The following CDC16 variants were observed in gnomAD, a reference collection of about 807,000 sequenced individuals.
CDC16 encodes the protein cell division cycle 16.
CDC16 carries 34 observed loss-of-function variants against 87.0 expected under a neutral mutation model. The ratio of observed to expected loss-of-function variants is 0.39; its 90% CI spans 0.30 to 0.52. The LOEUF (loss-of-function observed/expected upper bound fraction) is 0.52. Ranked by LOEUF, CDC16 falls within the 20% of genes least tolerant of loss-of-function variation. CDC16 has a pLI of 0.74. For missense variants in CDC16, 653 were observed against 751.9 expected (o/e 0.87, Z 1.54); for synonymous variants, 263 against 260.6 (o/e 1.01, Z -0.09).
chr13:114,245,548 C>T (rs2081821436), intron 9 of CDC16, among the ~76,000 whole-genome samples: 1 of 152,164 alleles, frequency 6.6e-6, no homozygotes, highest in African/African-American at 2.4e-5. Context: ...GCAGCATCTC[C>T]AGCTGCTCTG....
rs750217686 is a variant in CDC16 at position 114,242,230 on chromosome 13, T to C, written c.491T>C (p.Phe164Ser). Residue 164 changes from phenylalanine to serine, a missense_variant, in exon 6 of 18, where the codon TTT (phenylalanine) becomes TCT (serine). Physicochemically the swap from Phe to Ser is radical, Grantham distance 155 (BLOSUM62 -2). Coordinates refer to ENST00000356221, the MANE Select transcript of CDC16 (RefSeq NM_001078645.3). ...KEALKLDVYC[F>S]EAFDLLTSHH... ...GCTTTGAAGCTTGATGTCTACTGTT[T>C]TGAAGCGTTCGATCTTTTAACATCA... 1 of 1,614,196 alleles carries C rather than the reference T, an allele frequency of 6.2e-7. No homozygotes were observed. Among genetic ancestry groups the C allele is most frequent in the Non-Finnish European group, 8.5e-7 (1 of 1,180,034 alleles).
chr13:114,268,935 C>T (rs2083423627), intron 17 of CDC16, among the ~76,000 whole-genome samples: 1 of 152,244 alleles, frequency 6.6e-6, no homozygotes, highest in South Asian at 2.1e-4. Context: ...CATAGATTCA[C>T]TGCTGGTGGG....
chr13:114,243,765 G>C (rs2081688191), intron 7 of CDC16, 91 bp from the exon 8 acceptor site: 2 of 1,061,256 alleles, frequency 1.9e-6, no homozygotes, highest in African/African-American at 1.6e-5. Context: ...TCTTGTAAAT[G>C]TTTTAACCAC....
chr13:114,260,523 C>T (rs1490023466), intron 14 of CDC16, among the ~76,000 whole-genome samples: 1 of 152,140 alleles, frequency 6.6e-6, no homozygotes, highest in East Asian at 1.9e-4. Context: ...GCGTGATGCC[C>T]AGGGGATTAT....
Position 114,243,342 on chromosome 13 carries a change from G to A in CDC16, c.627G>A (p.Leu209=), listed in dbSNP as rs185719122. 17 of 1,519,604 alleles carry A rather than the reference G, an allele frequency of 1.1e-5. No individual in the cohort carries two copies. In the Admixed American group the frequency reaches 2.7e-4, roughly 24 times the overall value. 94.1% of individuals were successfully genotyped at this position (1,519,604 alleles called of 1,614,324 possible). Residue 209 remains leucine (L), a synonymous_variant, in exon 7 of 18, where the codon TTG becomes TTA. Coordinates refer to ENST00000356221, the MANE Select transcript of CDC16 (RefSeq NM_001078645.3). Reference sequence around the variant, plus strand: ...TGCGTTTTCTATTTGAGAACAAATTGAAAAAAGTAAGTAAAACCAAAGAGT... The same window carrying A: ...TGCGTTTTCTATTTGAGAACAAATTAAAAAAAGTAAGTAAAACCAAAGAGT... ...ELLRFLFENK[L]KKYNKPSETV... is the part of the protein sequence containing the mutation.
At position 114,259,410 on chromosome 13, in the gene CDC16, A is replaced by T; in HGVS notation, c.1314+12A>T. On this transcript the variant is annotated intron_variant, in intron 14 of 17. Transcript: ENST00000356221. ...CAATTGGGAACGAGGTATTCTTTGT[A>T]GTACCTGTAAATATACACATATACA... 1 of 1,506,754 alleles carries T rather than the reference A, an allele frequency of 6.6e-7. No homozygotes were observed. The allele number at this position is 1,506,754 out of a possible 1,614,324, so 93.3% of individuals were successfully genotyped here.
rs1442398869 is a variant in CDC16, at chr13:114,236,718, A to G, written c.103+19A>G. The G allele has an allele frequency of 1.9e-6, 3 of 1,613,864 alleles. No individual in the cohort carries two copies. The Admixed American group carries it at 5.0e-5, about 27-fold the overall frequency. On this transcript the variant is annotated intron_variant, in intron 2 of 17. Transcript: ENST00000356221. ...TCTCGTGGTAAGTGACAAAATGCTA[A>G]CTGGTTTTCTGATTAATCTTAAAAT...
In CDC16 at chr13:114,239,469, C is replaced by G; in HGVS notation, c.360C>G (p.Asp120Glu). The G allele has an allele frequency of 6.2e-7, 1 of 1,611,538 alleles. No homozygotes were observed. Reference sequence around the variant, plus strand: ...GTGGCTTCAAAGATCCTTCCAGCGACTGGGAAATGTCACAGTCTTCAGTAA... The same window carrying G: ...GTGGCTTCAAAGATCCTTCCAGCGAGTGGGAAATGTCACAGTCTTCAGTAA... ...DESGFKDPSS[D>E]WEMSQSSIKS... The change falls in exon 5 of 18, where the codon GAC (aspartate) becomes GAG (glutamate). Residue 120 changes from aspartate to glutamate, a missense_variant. By Grantham distance (45) the Asp-to-Glu change is conservative (BLOSUM62 2). Coordinates refer to ENST00000356221, the MANE Select transcript of CDC16 (RefSeq NM_001078645.3).
At chr13:114,244,106 T>C (rs1017657708) in intron 8 of CDC16, 117 bp downstream of exon 8, 6 of 729,040 alleles carry the variant, frequency 8.2e-6, no homozygotes, top group Non-Finnish European at 1.4e-5. Context: ...AAGTTATCTT[T>C]ACCAATTGTA....
At chr13:114,249,870 TCTC>T (rs1378356583) in intron 11 of CDC16, among the ~76,000 whole-genome samples, 2 of 152,212 alleles carry the variant, frequency 1.3e-5, no homozygotes, top group African/African-American at 4.8e-5. Flanking sequence ...AAGCTGTGGA[TCTC>T]CTCAAATTTC....
chr13:114,266,774 A>G (rs1272269142), intron 17 of CDC16, among the ~76,000 whole-genome samples: 1 of 151,964 alleles, frequency 6.6e-6, no homozygotes, highest in Non-Finnish European at 1.5e-5. Flanking sequence ...GCTCACTGCA[A>G]GCTCCCCCTC....
chr13:114,254,299 T>C (rs1362782769), intron 12 of CDC16, among the ~76,000 whole-genome samples: 1 of 152,224 alleles, frequency 6.6e-6, no homozygotes, highest in African/African-American at 2.4e-5. Context: ...ATCACATCTT[T>C]TGTTCCTGTA....
Position 114,236,807 on chromosome 13 carries a change from C to G in CDC16, c.112C>G (p.Gln38Glu), listed in dbSNP as rs1230282504. ...TGAATTTTTCCCTCCAGAAGAACCCCAGGACATCTATTGGTTGGCTCAGTG... is the reference window on the plus strand; with the variant it reads ...TGAATTTTTCCCTCCAGAAGAACCCGAGGACATCTATTGGTTGGCTCAGTG... ...KVASLSREEP[Q>E]DIYWLAQCLY... Residue 38 changes from glutamine (Q) to glutamate (E), a missense_variant, in exon 3 of 18, where the codon CAG (glutamine) becomes GAG (glutamate). Physicochemically the swap from Gln to Glu is conservative, Grantham distance 29 (BLOSUM62 2). Transcript: ENST00000356221. The G allele has an allele frequency of 1.9e-6, 3 of 1,613,274 alleles. No individual in the cohort carries two copies. The African/African-American group carries it at 4.0e-5, about 22-fold the overall frequency.
In CDC16 at chr13:114,272,317, G is replaced by T. The variant is rs1291483103; in HGVS notation, c.1737G>T (p.Gly579=). 6.2e-7 allele frequency: 1 copy of T among 1,614,110 alleles called. No individual in the cohort carries two copies. The highest frequency in any genetic ancestry group is 8.5e-7 in the Non-Finnish European group (1 of 1,180,034). The change falls in exon 18 of 18, where the codon GGG becomes GGT. Residue 579 remains glycine (G), a synonymous_variant. Transcript: ENST00000356221. Reference sequence around the variant, plus strand: ...AAAAACAGACTGCAGAAGAAACGGGGCTTACGCCATTGGAAACCTCAAGGA... The same window carrying T: ...AAAAACAGACTGCAGAAGAAACGGGTCTTACGCCATTGGAAACCTCAAGGA... ...EVEKQTAEET[G]LTPLETSRKT...
chr13:114,238,242 C>T (rs569945307), intron 3 of CDC16, among the ~76,000 whole-genome samples: 10 of 148,260 alleles, frequency 6.7e-5, no homozygotes, highest in Non-Finnish European at 7.4e-5. Context: ...TCCTCGGACG[C>T]CCAGCAGTTA....
intron 17 of CDC16, among the ~76,000 whole-genome samples, chr13:114,268,695 C>T (rs1021787614): frequency 2.6e-5 from 4 of 152,164 alleles, no homozygotes; most frequent in Non-Finnish European, 4.4e-5. Context: ...TGGTGTGTGC[C>T]TCTAGTGCCA....
At chr13:114,261,012 G>A (rs894348562) in intron 14 of CDC16, among the ~76,000 whole-genome samples, 14 of 152,166 alleles carry the variant, frequency 9.2e-5, no homozygotes, top group African/African-American at 2.9e-4. Context: ...TGAAAATACG[G>A]TGCAATTGAG....
intron 5 of CDC16, among the ~76,000 whole-genome samples, chr13:114,240,054 A>T (rs749294412): frequency 3.9e-5 from 6 of 152,174 alleles, no homozygotes; most frequent in Non-Finnish European, 8.8e-5. Flanking sequence ...TTTATATGCC[A>T]TGCAGTTCCC....
At chr13:114,235,269 G>A in intron 1 of CDC16, 137 bp downstream of exon 1, 11 of 560,514 alleles carry the variant, frequency 2.0e-5, no homozygotes, top group Admixed American at 4.4e-5. Context: ...TCTGGGGCCA[G>A]CAGCGCTGTC....
Sources: gnomAD v4.1 joint callset for allele counts (sites outside exome capture counted in the v4.1 genomes callset) on GRCh38, gnomAD v4.1.1 for gene constraint, MANE v1.5 for transcripts, NCBI Gene and HGNC (gene_info 2026-07-23, HGNC 2026-07-21) for gene names.